Variants in CTNND2 observed in about 807,000 individuals in gnomAD.
CTNND2 encodes catenin delta-2.
A neutral mutation model predicts 144.4 loss-of-function variants in CTNND2; 22 were observed. The ratio of observed to expected loss-of-function variants is 0.15; its 90% CI spans 0.11 to 0.22. The LOEUF (loss-of-function observed/expected upper bound fraction) is 0.22, where lower values mean the gene tolerates loss of function less well. CTNND2 is among the 10% of genes least tolerant of loss of function. The pLI is 1.00. For synonymous variants in CTNND2, 751 were observed against 695.6 expected (o/e 1.08, Z -1.25); for missense variants, 1,353 against 1,618.8 (o/e 0.84, Z 2.82).
At chr5:11,858,711 C>T (rs879701520) in intron 1 of CTNND2, among the ~76,000 whole-genome samples, 5 of 152,142 alleles carry the variant, frequency 3.3e-5, no homozygotes, top group Admixed American at 6.5e-5. Flanking sequence ...GGGTGGATCA[C>T]GAGGTCAGGA....
At chr5:11,447,163 G>A (rs1208345589) in intron 3 of CTNND2, among the ~76,000 whole-genome samples, 1 of 152,130 alleles carries the variant, frequency 6.6e-6, no homozygotes, top group Non-Finnish European at 1.5e-5. Flanking sequence ...GGTCAACATG[G>A]TGAAACCCCA....
At chr5:11,890,310 C>A (rs1202736696) in intron 1 of CTNND2, among the ~76,000 whole-genome samples, 1 of 152,188 alleles carries the variant, frequency 6.6e-6, no homozygotes, top group Non-Finnish European at 1.5e-5. Flanking sequence ...CCTGTCACAG[C>A]TGTATTTATC....
At chr5:11,191,900 T>C (rs895973118) in intron 11 of CTNND2, among the ~76,000 whole-genome samples, 40 of 152,184 alleles carry the variant, frequency 2.6e-4, no homozygotes, top group Admixed American at 4.6e-4. Flanking sequence ...CATCCTGCTG[T>C]TCTTTCTGAC....
At chr5:11,360,809 C>CA (rs1030733634) in intron 8 of CTNND2, among the ~76,000 whole-genome samples, 9 of 152,066 alleles carry the variant, frequency 5.9e-5, no homozygotes, top group African/African-American at 2.2e-4. Flanking sequence ...TGCTTAAGGA[C>CA]AAGGAGTAGA....
chr5:11,277,297 T>C (rs1052615308), intron 9 of CTNND2, among the ~76,000 whole-genome samples: 1 of 152,054 alleles, frequency 6.6e-6, no homozygotes, highest in African/African-American at 2.4e-5. Flanking sequence ...CAACAGAAAT[T>C]ACAGATTTTT....
chr5:11,066,573 T>G (rs1376896636), intron 16 of CTNND2, among the ~76,000 whole-genome samples: 2 of 151,496 alleles, frequency 1.3e-5, no homozygotes, highest in East Asian at 3.9e-4. Flanking sequence ...CTAAACTGTA[T>G]AAAACCAAGT....
chr5:11,772,451 T>C (rs1192450210), intron 1 of CTNND2, among the ~76,000 whole-genome samples: 4 of 152,118 alleles, frequency 2.6e-5, no homozygotes, highest in Non-Finnish European at 2.9e-5. Context: ...ACAGAGGACT[T>C]TGAATATTTT....
intron 1 of CTNND2, among the ~76,000 whole-genome samples, chr5:11,753,030 C>T (rs928190189): frequency 2.0e-5 from 3 of 151,782 alleles, no homozygotes; most frequent in African/African-American, 7.2e-5. Flanking sequence ...ACTAATTTTA[C>T]ATTCTGAAAC....
Position 11,027,863 on chromosome 5 carries a change from G to A in CTNND2, c.2789-4884C>T, listed in dbSNP as rs147028747. Among the ~76,000 whole-genome samples, 637 of 152,292 alleles carry A rather than the reference G, an allele frequency of 4.2e-3. 1 individual carries two copies. The highest frequency in any genetic ancestry group is 0.011 in the Admixed American group (164 of 15,296). ...CCGCTTGTGCAGAAAGGAGCTGGTG[G>A]GGATTTCATGATGAGGTAACAGCCT... On this transcript the variant is annotated intron_variant, in intron 16 of 21. Coordinates refer to ENST00000304623, the MANE Select transcript of CTNND2 (RefSeq NM_001332.4).
chr5:11,781,544 G>T (rs927924816), intron 1 of CTNND2, among the ~76,000 whole-genome samples: 1 of 152,152 alleles, frequency 6.6e-6, no homozygotes, highest in Non-Finnish European at 1.5e-5. Context: ...AAGAATATTT[G>T]ATAAAACTGC....
chr5:11,471,088 C>T (rs1561442044), intron 3 of CTNND2, among the ~76,000 whole-genome samples: 1 of 150,710 alleles, frequency 6.6e-6, no homozygotes, highest in Non-Finnish European at 1.5e-5. Flanking sequence ...AACCATTCTC[C>T]TGCTTCAGCC....
At chr5:11,081,191 ATGT>A (rs1749536751) in intron 16 of CTNND2, among the ~76,000 whole-genome samples, 1 of 151,242 alleles carries the variant, frequency 6.6e-6, no homozygotes, top group Non-Finnish European at 1.5e-5. Context: ...GAATGGGGAG[ATGT>A]TGGTGGAAGG....
chr5:11,135,902 G>A (rs1266371437), intron 12 of CTNND2, among the ~76,000 whole-genome samples: 1 of 152,200 alleles, frequency 6.6e-6, no homozygotes, highest in Non-Finnish European at 1.5e-5. Context: ...ATGGTGGTAG[G>A]TGGAGATATC....
intron 8 of CTNND2, among the ~76,000 whole-genome samples, chr5:11,353,594 G>T (rs147976204): frequency 0.012 from 1,794 of 152,242 alleles, 23 homozygotes; most frequent in South Asian, 0.034. Context: ...CACGAGGTCA[G>T]GAGTTCGAGA....
At chr5:11,059,718 T>C (rs979873571) in intron 16 of CTNND2, among the ~76,000 whole-genome samples, 6 of 152,184 alleles carry the variant, frequency 3.9e-5, no homozygotes, top group Non-Finnish European at 7.3e-5. Context: ...AAAAATCATG[T>C]TGTTTATAAA....
intron 9 of CTNND2, among the ~76,000 whole-genome samples, chr5:11,291,179 AACTAAAGGC>A (rs1351229588): frequency 6.6e-6 from 1 of 152,142 alleles, no homozygotes; most frequent in Non-Finnish European, 1.5e-5. Context: ...TGGTGCTGTC[AACTAAAGGC>A]AACAGCCTAA....
At chr5:11,207,804 AT>A (rs1348344807) in intron 10 of CTNND2, among the ~76,000 whole-genome samples, 1 of 152,192 alleles carries the variant, frequency 6.6e-6, no homozygotes, top group East Asian at 1.9e-4. Context: ...CATTTAAGCA[AT>A]TTTTAATCCA....
intron 11 of CTNND2, among the ~76,000 whole-genome samples, chr5:11,169,683 A>G (rs1759705689): frequency 6.6e-6 from 1 of 152,160 alleles, no homozygotes; most frequent in Non-Finnish European, 1.5e-5. Flanking sequence ...TTCTTTTTTT[A>G]TAATATAGGT....
chr5:11,084,599 T>C (rs1749938736), intron 15 of CTNND2, among the ~76,000 whole-genome samples: 1 of 152,238 alleles, frequency 6.6e-6, no homozygotes, highest in South Asian at 2.1e-4. Flanking sequence ...TTCTGGGAGA[T>C]GGCAGGGGTA....
Sources: allele counts gnomAD v4.1 joint callset (sites outside exome capture counted in the v4.1 genomes callset), GRCh38; gene constraint gnomAD v4.1.1; transcripts MANE v1.5; gene names NCBI Gene and HGNC (gene_info 2026-07-23, HGNC 2026-07-21).